The following RERE variants were observed in gnomAD, a reference collection of about 807,000 sequenced individuals.
The protein encoded by RERE is arginine-glutamic acid dipeptide repeats.
RERE carries 40 observed loss-of-function variants against 146.1 expected under a neutral mutation model. The ratio of observed to expected loss-of-function variants is 0.27; its 90% CI spans 0.21 to 0.36. The LOEUF is 0.36. Ranked by LOEUF, RERE falls within the 10% of genes least tolerant of loss-of-function variation. The pLI is 1.00. For synonymous variants in RERE, 1,003 were observed against 866.0 expected, an observed-to-expected ratio of 1.16 and a Z score of -2.78; for missense variants, 1,933 against 2,138.7, an observed-to-expected ratio of 0.90 and a Z score of 1.90.
At chr1:8,788,600 T>C (rs1641302376) in intron 1 of RERE, among the ~76,000 whole-genome samples, 1 of 151,908 alleles carries the variant, frequency 6.6e-6, no homozygotes, top group Non-Finnish European at 1.5e-5. Context: ...CCTGACCTCA[T>C]TATCTACCTG....
intron 1 of RERE, among the ~76,000 whole-genome samples, chr1:8,792,801 G>A (rs755833078): frequency 2.0e-4 from 30 of 152,162 alleles, no homozygotes; most frequent in Non-Finnish European, 3.4e-4. Context: ...GTCTTACATC[G>A]GGTATGTTTC....
At position 8,509,399 on chromosome 1, in the gene RERE, GCCATCCATCCAT is replaced by G. The variant is rs755830199; in HGVS notation, c.831-736_831-725del. ...AAACTTATCCTAGGACATATACTGAGCCATCCATCCATCCATCCATCCATCCATCCATCCATC... is the reference window on the plus strand; with the variant it reads ...AAACTTATCCTAGGACATATACTGAGCCATCCATCCATCCATCCATCCATC... On this transcript the variant is annotated intron_variant, in intron 7 of 22. Transcript: ENST00000400908. Among the ~76,000 whole-genome samples the G allele has an allele frequency of 1.1e-4, 15 of 137,344 alleles. No homozygotes were observed. The South Asian group carries it at 2.2e-3, about 20-fold the overall frequency. The allele number at this position is 137,344 out of a possible 152,430, so 90.1% of individuals were successfully genotyped here. A position where few individuals can be genotyped will look rare whatever the true frequency, so the allele number is the denominator to read the frequency against.
intron 8 of RERE, among the ~76,000 whole-genome samples, chr1:8,501,205 G>A (rs943692420): frequency 5.3e-5 from 8 of 149,572 alleles, no homozygotes; most frequent in East Asian, 2.0e-4. Context: ...CGGGAGGGAG[G>A]TGGGGGGGTC....
intron 9 of RERE, among the ~76,000 whole-genome samples, chr1:8,496,958 G>A (rs1426878481): frequency 6.6e-6 from 1 of 152,114 alleles, no homozygotes; most frequent in East Asian, 1.9e-4. Flanking sequence ...TGTGTGCCGT[G>A]GTGCTCTGCT....
chr1:8,773,785 C>T (rs1353653457), intron 1 of RERE, among the ~76,000 whole-genome samples: 3 of 152,076 alleles, frequency 2.0e-5, no homozygotes, highest in Non-Finnish European at 2.9e-5. Context: ...GATCGCGCCA[C>T]TGCACTCCAG....
intron 3 of RERE, among the ~76,000 whole-genome samples, chr1:8,623,965 A>C (rs1380819248): frequency 6.6e-6 from 1 of 152,204 alleles, no homozygotes; most frequent in African/African-American, 2.4e-5. Context: ...TCCCCTACTC[A>C]TCAATTTACT....
At chr1:8,692,765 G>A (rs939725375) in intron 1 of RERE, among the ~76,000 whole-genome samples, 4 of 152,066 alleles carry the variant, frequency 2.6e-5, no homozygotes, top group Admixed American at 2.6e-4. Context: ...GATTAAATCC[G>A]TGGACACAGA....
intron 1 of RERE, among the ~76,000 whole-genome samples, chr1:8,740,225 G>GAT (rs1228610722): frequency 6.6e-6 from 1 of 152,166 alleles, no homozygotes; most frequent in African/African-American, 2.4e-5. Flanking sequence ...AAGCCTAGAT[G>GAT]ATACCCTATA....
At chr1:8,514,919 C>T (rs1023558388) in intron 7 of RERE, among the ~76,000 whole-genome samples, 2 of 152,196 alleles carry the variant, frequency 1.3e-5, no homozygotes, top group African/African-American at 4.8e-5. Context: ...TGATGAATAA[C>T]AACAGTAGCT....
intron 4 of RERE, among the ~76,000 whole-genome samples, chr1:8,610,257 TA>T (rs1173363677): frequency 6.6e-6 from 1 of 152,162 alleles, no homozygotes; most frequent in Non-Finnish European, 1.5e-5. Context: ...ACAGACCCTC[TA>T]AAACTTTCAA....
chr1:8,364,070 G>A lies in RERE; in HGVS notation c.1726C>T (p.Arg576Trp), dbSNP rs368217465. 9 of 1,613,910 alleles carry A rather than the reference G, an allele frequency of 5.6e-6. No individual in the cohort carries two copies. The highest frequency in any genetic ancestry group is 3.3e-5 in the Admixed American group (2 of 60,004). The change falls in exon 15 of 23, where the codon CGG becomes TGG. Residue 576 changes from arginine to tryptophan, a missense_variant. Arg to Trp is a moderately radical substitution (Grantham distance 101, BLOSUM62 -3). Around this residue, in one of 11 missense-constraint regions of RERE, gnomAD observed 1,255 missense variants for 1,153.8 expected, o/e 1.09. Transcript: ENST00000400908. The surrounding 1 kb of genome is among the most constrained non-coding windows in gnomAD (Gnocchi z 5.1). ...LSGKHSMRTR[R>W]SRGSMSTLRS... ...AGGGGACTCACCGAGCCCCGACTCC[G>A]CCGTGTCCTCATGCTATGCTTCCCA...
intron 12 of RERE, among the ~76,000 whole-genome samples, chr1:8,418,340 G>C (rs143604296): frequency 1.3e-5 from 2 of 152,288 alleles, no homozygotes; most frequent in Non-Finnish European, 2.9e-5. Flanking sequence ...TAAAAAGAAA[G>C]AGACGAGAAA....
intron 12 of RERE, among the ~76,000 whole-genome samples, chr1:8,413,592 C>T (rs1557619345): frequency 6.6e-6 from 1 of 152,100 alleles, no homozygotes; most frequent in Non-Finnish European, 1.5e-5. Context: ...GATCCTCCCA[C>T]CTCAACCTCC....
chr1:8,403,923 C>T (rs1284507332), intron 12 of RERE, among the ~76,000 whole-genome samples: 2 of 144,252 alleles, frequency 1.4e-5, no homozygotes, highest in East Asian at 2.3e-4. Flanking sequence ...CTCCATCTCG[C>T]GGGTTTAAGT....
At chr1:8,360,031 A>ACC in intron 18 of RERE, 45 bp from the exon 19 acceptor site, 1 of 1,484,154 alleles carries the variant, frequency 6.7e-7, no homozygotes, top group Non-Finnish European at 9.4e-7. Flanking sequence ...GCCGAGACCC[A>ACC]CCCCGGCCCT....
intron 7 of RERE, among the ~76,000 whole-genome samples, chr1:8,518,745 GAAAT>G (rs1645453285): frequency 6.6e-6 from 1 of 152,162 alleles, no homozygotes; most frequent in Non-Finnish European, 1.5e-5. Context: ...GAACAAGTCT[GAAAT>G]TTCTTTTTAA....
intron 1 of RERE, among the ~76,000 whole-genome samples, chr1:8,742,729 G>A (rs11809769): frequency 0.027 from 4,035 of 152,066 alleles, 130 homozygotes; most frequent in African/African-American, 0.08. Flanking sequence ...TTAGCCAGGC[G>A]TGATGGGGTA....
rs1046532585 is a variant in RERE, at chr1:8,557,037, GA to G, written c.628+380del. Among the ~76,000 whole-genome samples, 269 of 136,438 alleles carry G rather than the reference GA, an allele frequency of 2.0e-3. 1 individual carries two copies. The highest frequency in any genetic ancestry group is 0.015 in the Middle Eastern group (4 of 262). The allele number at this position is 136,438 out of a possible 152,430, so 89.5% of individuals were successfully genotyped here. A position where few individuals can be genotyped will look rare whatever the true frequency, so the allele number is the denominator to read the frequency against. On this transcript the variant is annotated intron_variant, in intron 5 of 22. Transcript: ENST00000400908. The stretch of plus-strand genomic sequence containing the variant: ...AGGTTTTTTTATAGTTTCAAAGAAG[GA>G]AAAAAAAAAAACAGAAAGATAAAAA...
At chr1:8,549,081 G>T (rs1275184593) in intron 6 of RERE, among the ~76,000 whole-genome samples, 1 of 152,178 alleles carries the variant, frequency 6.6e-6, no homozygotes. Context: ...GCACAGGCTG[G>T]TATACATACA....
Sources: gnomAD v4.1 joint callset for allele counts (sites outside exome capture counted in the v4.1 genomes callset) on GRCh38, gnomAD v4.1.1 for gene constraint, gnomAD v4.1.1 regional missense constraint, Gnocchi (gnomAD v3.1) non-coding constraint, MANE v1.5 for transcripts, NCBI Gene and HGNC (gene_info 2026-07-23, HGNC 2026-07-21) for gene names.